MED14: variants seen among roughly 807,000 people sequenced by gnomAD.
MED14 encodes the protein mediator complex subunit 14, also known as mediator of RNA polymerase II transcription subunit 14.
Under a neutral mutation model 109.0 loss-of-function variants are expected in MED14, and 8 were observed. The observed-to-expected ratio is 0.07, with a 90% CI of 0.04 to 0.13. MED14 has a LOEUF of 0.13. MED14 is among the 10% of genes least tolerant of loss of function. The pLI, the probability that MED14 is intolerant of heterozygous loss-of-function variation, is 1.00. For synonymous variants in MED14, 399 were observed against 408.7 expected (o/e 0.98, Z 0.29); for missense variants, 711 against 1,142.4 (o/e 0.62, Z 5.44).
At chrX:40,722,505 C>G (rs1352323932) in intron 3 of MED14, among the ~76,000 whole-genome samples, 1 of 111,559 alleles carries the variant, frequency 9.0e-6, no homozygotes, top group East Asian at 2.8e-4. Flanking sequence ...CTCAGAGTTA[C>G]TGGCCTTAGA....
Position 40,709,430 on chromosome X carries a change from C to G in MED14, c.1203G>C (p.Leu401=), listed in dbSNP as rs771003733. 2.6e-6 allele frequency: 3 copies of G among 1,136,179 alleles called. No homozygotes were observed. The Admixed American group carries it at 7.1e-5, about 27-fold the overall frequency. The allele number at this position is 1,136,179 out of a possible 1,213,427, so 93.6% of individuals were successfully genotyped here. ...GAGCTCTTGCATGGACACTGTCAATCAGGAGTTTTTCTATTGATAAGTGGT... is the reference window on the plus strand; with the variant it reads ...GAGCTCTTGCATGGACACTGTCAATGAGGAGTTTTTCTATTGATAAGTGGT... ...KIDHLSIEKL[L]IDSVHARAHQ... is the part of the protein sequence containing the mutation. The change falls in exon 10 of 31, where the codon CTG becomes CTC. Residue 401 remains leucine, a synonymous_variant. Coordinates refer to ENST00000324817, the MANE Select transcript of MED14 (RefSeq NM_004229.4).
At chrX:40,714,323 G>A (rs1569295891) in intron 4 of MED14, among the ~76,000 whole-genome samples, 1 of 108,907 alleles carries the variant, frequency 9.2e-6, no homozygotes, top group Non-Finnish European at 1.9e-5. Context: ...ATCCCTGGGG[G>A]AAAAAAAAAT....
intron 21 of MED14, among the ~76,000 whole-genome samples, chrX:40,676,354 A>G (rs186110196): frequency 3.3e-4 from 37 of 112,173 alleles, no homozygotes; most frequent in African/African-American, 1.1e-3. Context: ...TTCTTTCCCC[A>G]CTAAACTACT....
Position 40,680,835 on chromosome X carries a change from T to C in MED14, c.2533A>G (p.Ser845Gly). The C allele has an allele frequency of 8.3e-7, 1 of 1,202,728 alleles. No homozygotes were observed. ...TGGAGAATGGTATTGTGACAGTTAC[T>C]GCAACCTGAGTTTGGGCCAACAGTT... ...LGTVGPNSGC[S>G]NCHNTILHQL... Residue 845 changes from serine (S) to glycine (G), a missense_variant, in exon 20 of 31, where the codon AGT (serine) becomes GGT (glycine). By Grantham distance (56) the Ser-to-Gly change is moderately conservative. Around this residue, in one of 8 missense-constraint regions of MED14, gnomAD observed 29 missense variants for 102.4 expected, o/e 0.28. Transcript: ENST00000324817.
At position 40,666,741 on chromosome X, in the gene MED14, C is replaced by T. The variant is rs1305550069; in HGVS notation, c.3244G>A (p.Ala1082Thr). The stretch of plus-strand genomic sequence containing the variant: ...TCACCATGTGGACTAGCAAAACTGG[C>T]CCCTGGTCCTATTGAGATTCCATGC... The part of the protein sequence containing the change: ...SSHGISIGPG[A>T]SFASPHGTLD... Residue 1082 changes from alanine (A) to threonine (T), a missense_variant, in exon 24 of 31, where the codon GCC (alanine) becomes ACC (threonine). Physicochemically the swap from Ala to Thr is moderately conservative, Grantham distance 58. Transcript: ENST00000324817. The T allele has an allele frequency of 2.5e-6, 3 of 1,208,789 alleles. No homozygotes were observed. The highest frequency in any genetic ancestry group is 3.4e-6 in the Non-Finnish European group (3 of 893,826).
intron 18 of MED14, 94 bp downstream of exon 18, chrX:40,682,509 C>A: frequency 1.4e-6 from 1 of 724,835 alleles, no homozygotes; most frequent in Non-Finnish European, 1.9e-6. Flanking sequence ...GATTTTTTTG[C>A]TTGGAACACT....
Position 40,668,585 on chromosome X carries a change from T to C in MED14, c.3134-1734A>G, listed in dbSNP as rs189660016. On this transcript the variant is annotated intron_variant, in intron 23 of 30. Transcript: ENST00000324817. Reference sequence around the variant, plus strand: ...TGCAACATTTAAGCACTTGCTACATTATCATAATTACCTTTAATATCAGCA... The same window carrying C: ...TGCAACATTTAAGCACTTGCTACATCATCATAATTACCTTTAATATCAGCA... 3.6e-5 allele frequency among the ~76,000 whole-genome samples: 4 copies of C among 111,184 alleles called. No homozygotes were observed. In the East Asian group the frequency reaches 1.1e-3, roughly 31 times the overall value.
chrX:40,711,279 C>T lies in MED14; in HGVS notation c.912G>A (p.Gln304=), dbSNP rs138695035. 28 of 1,195,284 alleles carry T rather than the reference C, an allele frequency of 2.3e-5. No homozygotes were observed. The highest frequency in any genetic ancestry group is 5.4e-5 in the South Asian group (3 of 55,918). Residue 304 remains glutamine (Q), a synonymous_variant, in exon 8 of 31, where the codon CAG becomes CAA. Coordinates refer to ENST00000324817, the MANE Select transcript of MED14 (RefSeq NM_004229.4). ...GAGTTTGGGAATGTAACACTTCTAACTGAAGTGATAAACAGAAAGAATCTG... is the reference window on the plus strand; with the variant it reads ...GAGTTTGGGAATGTAACACTTCTAATTGAAGTGATAAACAGAAAGAATCTG... ...NCLHSFCLSL[Q]LEVLHSQTLM...
At chrX:40,729,066 G>T (rs1254153742) in intron 2 of MED14, among the ~76,000 whole-genome samples, 1 of 111,411 alleles carries the variant, frequency 9.0e-6, no homozygotes, top group African/African-American at 3.3e-5. Flanking sequence ...ATCACCCTTA[G>T]GGACTTGACC....
chrX:40,726,658 GA>G (rs1244476693), intron 3 of MED14, 87 bp downstream of exon 3: 1 of 673,688 alleles, frequency 1.5e-6, no homozygotes, highest in Non-Finnish European at 2.2e-6. Context: ...AATCAGCAGG[GA>G]TAAGTTAAAG....
At chrX:40,671,823 GA>G (rs1416507234) in intron 23 of MED14, 37 bp downstream of exon 23, 1 of 987,035 alleles carries the variant, frequency 1.0e-6, no homozygotes, top group Non-Finnish European at 1.4e-6. Context: ...TTTTGGATTT[GA>G]AAGTTGAACA....
chrX:40,713,814 T>C lies in MED14; in HGVS notation c.616A>G (p.Thr206Ala), dbSNP rs1281475170. 2 of 1,209,412 alleles carry C rather than the reference T, an allele frequency of 1.7e-6. No individual in the cohort carries two copies. The highest frequency in any genetic ancestry group is 2.2e-6 in the Non-Finnish European group (2 of 894,607). The change falls in exon 5 of 31, where the codon ACA becomes GCA. Residue 206 changes from threonine (T) to alanine (A), a missense_variant. Transcript: ENST00000324817. Reference sequence around the variant, plus strand: ...TTTGCTAACTGAGGAGGAAGATCTGTGGTTACAAGCCGATGTCTAAGAATC... The same window carrying C: ...TTTGCTAACTGAGGAGGAAGATCTGCGGTTACAAGCCGATGTCTAAGAATC... ...NQILRHRLVT[T>A]DLPPQLANLT...
At position 40,682,615 on chromosome X, in the gene MED14, G is replaced by A. The variant is rs1254209201; in HGVS notation, c.2353C>T (p.Arg785Cys). The A allele has an allele frequency of 3.4e-6, 4 of 1,174,220 alleles. No homozygotes were observed. Among genetic ancestry groups the A allele is most frequent in the Non-Finnish European group, 4.6e-6 (4 of 875,761 alleles). ...RLYECVLEFA[R>C]SLPDIPAHLN... is the part of the protein sequence containing the mutation. ...TCTCCACACGTACCTGGTAGAGAAC[G>A]TGCAAATTCCAACACACACTCATAT... Residue 785 changes from arginine to cysteine, a missense_variant, in exon 18 of 31, where the codon CGT becomes TGT. This residue lies in a region of MED14 where 388 missense variants were observed against 517.3 expected (regional missense o/e 0.75). Coordinates refer to ENST00000324817, the MANE Select transcript of MED14 (RefSeq NM_004229.4).
intron 18 of MED14, 67 bp downstream of exon 18, chrX:40,682,536 A>G: frequency 2.2e-6 from 2 of 918,176 alleles, no homozygotes. Flanking sequence ...GTTTCACTTC[A>G]GTTAAAAAAA....
intron 26 of MED14, among the ~76,000 whole-genome samples, chrX:40,660,993 C>A (rs1929244952): frequency 8.9e-6 from 1 of 112,493 alleles, no homozygotes; most frequent in Non-Finnish European, 1.9e-5. Context: ...CGGCTCACTG[C>A]AACCTCTACC....
chrX:40,729,530 G>A (rs1471088863), intron 1 of MED14, 185 bp from the exon 2 acceptor site: 2 of 416,979 alleles, frequency 4.8e-6, no homozygotes, highest in Non-Finnish European at 8.2e-6. Context: ...ATGGTTATAA[G>A]GCAAAAACCA....
intron 16 of MED14, 91 bp downstream of exon 16, chrX:40,688,363 C>T: frequency 1.6e-6 from 1 of 641,184 alleles, no homozygotes; most frequent in Non-Finnish European, 2.6e-6. Flanking sequence ...AGGTTCTGAA[C>T]ACTGCTTTAT....
chrX:40,681,855 G>A lies in MED14; in HGVS notation c.2454C>T (p.Ser818=). The change falls in exon 19 of 31, where the codon AGC becomes AGT. Residue 818 remains serine, a synonymous_variant. Transcript: ENST00000324817. ...LILCYGTTKG[S]SISIQWNSIH... ...TCAGCATTTTAATCAGACTTACTGA[G>A]CTTCCCTTGGTGGTTCCATAACACA... 9.3e-7 allele frequency: 1 copy of A among 1,076,689 alleles called. No individual in the cohort carries two copies. The highest frequency in any genetic ancestry group is 1.2e-6 in the Non-Finnish European group (1 of 801,799). 88.7% of individuals were successfully genotyped at this position (1,076,689 alleles called of 1,213,427 possible).
chrX:40,729,463 C>A, intron 1 of MED14, 118 bp from the exon 2 acceptor site: 1 of 650,472 alleles, frequency 1.5e-6, no homozygotes, highest in Non-Finnish European at 2.3e-6. Context: ...GGGTAAACAG[C>A]TACTACAGGC....
Sources: allele counts gnomAD v4.1 joint callset (sites outside exome capture counted in the v4.1 genomes callset), GRCh38; gene constraint gnomAD v4.1.1; regional missense constraint gnomAD v4.1.1; transcripts MANE v1.5; gene names NCBI Gene and HGNC (gene_info 2026-07-23, HGNC 2026-07-21).